Variants in EML5 observed in about 807,000 individuals in gnomAD.
The protein encoded by EML5 is EMAP like 5.
EML5 carries 120 observed loss-of-function variants against 250.0 expected under a neutral mutation model. The observed-to-expected ratio is 0.48, with a 90% confidence interval of 0.41 to 0.56. The LOEUF is 0.56. Among genes scored for constraint, EML5 ranks in the 20% least tolerant of loss-of-function variants. EML5 has a pLI of 0.00. For missense variants in EML5, 2,006 were observed against 2,437.6 expected (o/e 0.82, Z 3.73); for synonymous variants, 771 against 806.5 (o/e 0.96, Z 0.75).
intron 17 of EML5, among the ~76,000 whole-genome samples, chr14:88,693,763 C>CTTTTTTTT (rs71127002): frequency 3.2e-5 from 2 of 62,846 alleles, no homozygotes; most frequent in Non-Finnish European, 5.3e-5. Flanking sequence ...ATGTTAACAT[C>CTTTTTTTT]TTTTTTTTTT....
Position 88,658,313 on chromosome 14 carries a change from T to G in EML5, c.3751A>C (p.Ser1251Arg). 1 of 1,613,906 alleles carries G rather than the reference T, an allele frequency of 6.2e-7. No homozygotes were observed. The highest frequency in any genetic ancestry group is 1.3e-5 in the African/African-American group (1 of 75,048). The stretch of plus-strand genomic sequence containing the variant: ...GTACCGCCTAGGGTAACCAACATGC[T>G]GTCATCATAAGTCCAGCGAACATTT... ...VTNVRWTYDD[S>R]MLVTLGGTDM... The change falls in exon 26 of 44, where the codon AGC becomes CGC. Residue 1251 changes from serine to arginine, a missense_variant. This residue lies in a region of EML5 where 1,375 missense variants were observed against 1,590.3 expected (regional missense o/e 0.86). Coordinates refer to ENST00000554922, the MANE Select transcript of EML5 (RefSeq NM_183387.3).
At chr14:88,753,828 T>C (rs2094128635) in intron 2 of EML5, among the ~76,000 whole-genome samples, 2 of 152,138 alleles carry the variant, frequency 1.3e-5, no homozygotes, top group South Asian at 4.1e-4. Flanking sequence ...TAGACAACCT[T>C]TAAGGTAACT....
chr14:88,731,988 G>A (rs2093766445), intron 7 of EML5, among the ~76,000 whole-genome samples: 2 of 152,160 alleles, frequency 1.3e-5, no homozygotes, highest in Non-Finnish European at 2.9e-5. Context: ...TGAGTAGAGT[G>A]CAAAAATTTT....
chr14:88,683,310 T>G (rs948802521), intron 20 of EML5, among the ~76,000 whole-genome samples: 5 of 152,158 alleles, frequency 3.3e-5, no homozygotes, highest in African/African-American at 1.2e-4. Flanking sequence ...AACACTAATC[T>G]AGGGAAGTAT....
At position 88,750,662 on chromosome 14, in the gene EML5, C is replaced by G. The variant is rs763080654; in HGVS notation, c.357+3850G>C. Among the ~76,000 whole-genome samples the G allele has an allele frequency of 5.9e-4, 90 of 152,196 alleles. 2 individuals are homozygous for G. The highest frequency in any genetic ancestry group is 5.0e-4 in the Non-Finnish European group (34 of 67,994). ...TACAATTTCTGAAAAGAAAGTTTTACTATTTAAACTCCAAAATTGGTAGAA... is the reference window on the plus strand; with the variant it reads ...TACAATTTCTGAAAAGAAAGTTTTAGTATTTAAACTCCAAAATTGGTAGAA... On this transcript the variant is annotated intron_variant, in intron 2 of 43. Transcript: ENST00000554922.
chr14:88,624,834 T>G (rs1032613685), intron 36 of EML5, 136 bp downstream of exon 36: 1 of 927,530 alleles, frequency 1.1e-6, no homozygotes, highest in Admixed American at 3.1e-5. Context: ...ACATAAAAGG[T>G]AATAAAGGAG....
intron 2 of EML5, among the ~76,000 whole-genome samples, chr14:88,748,806 G>A (rs2094046351): frequency 6.6e-6 from 1 of 151,738 alleles, no homozygotes; most frequent in Non-Finnish European, 1.5e-5. Flanking sequence ...TACTCCAAAG[G>A]ATTAACAGCA....
At chr14:88,658,759 T>G (rs996048601) in intron 25 of EML5, among the ~76,000 whole-genome samples, 1 of 152,170 alleles carries the variant, frequency 6.6e-6, no homozygotes, top group African/African-American at 2.4e-5. Flanking sequence ...TATTTACTTA[T>G]AGTAGTGAAA....
At chr14:88,708,457 G>C (rs369822404) in intron 10 of EML5, among the ~76,000 whole-genome samples, 3 of 152,086 alleles carry the variant, frequency 2.0e-5, no homozygotes, top group East Asian at 1.9e-4. Flanking sequence ...CTGGTGCCTG[G>C]TATATAGCAA....
chr14:88,672,748 T>C (rs1026064944), intron 21 of EML5, among the ~76,000 whole-genome samples: 3 of 152,126 alleles, frequency 2.0e-5, no homozygotes, highest in African/African-American at 7.2e-5. Flanking sequence ...CATCAGAGAA[T>C]ACTATAAACA....
chr14:88,633,019 A>G (rs754206946), intron 33 of EML5, among the ~76,000 whole-genome samples: 14 of 152,098 alleles, frequency 9.2e-5, no homozygotes, highest in Admixed American at 2.0e-4. Flanking sequence ...TTTCTGTTCA[A>G]TGTAATAAAC....
In EML5 at chr14:88,696,970, A is replaced by C. The variant is rs779367460; in HGVS notation, c.2239-18T>G. 10 of 1,475,226 alleles carry C rather than the reference A, an allele frequency of 6.8e-6. No individual in the cohort carries two copies. In the South Asian group the frequency reaches 1.1e-4, roughly 16 times the overall value. 91.4% of individuals were successfully genotyped at this position (1,475,226 alleles called of 1,614,324 possible). A position where few individuals can be genotyped will look rare whatever the true frequency, so the allele number is the denominator to read the frequency against. ...CTACCAACCTAAAATAGAATTATAG[A>C]AGCTATTAAATACAATTAAATTATT... is the stretch of plus-strand genomic sequence containing the variant. On this transcript the variant is annotated intron_variant, in intron 14 of 43. Transcript: ENST00000554922.
chr14:88,709,241 A>G (rs1050742759), intron 10 of EML5, among the ~76,000 whole-genome samples: 1 of 152,102 alleles, frequency 6.6e-6, no homozygotes, highest in African/African-American at 2.4e-5. Context: ...ATAAGAAAAG[A>G]AAGAGAAATA....
intron 17 of EML5, among the ~76,000 whole-genome samples, chr14:88,693,048 A>G (rs2092995935): frequency 6.6e-6 from 1 of 152,202 alleles, no homozygotes; most frequent in African/African-American, 2.4e-5. Flanking sequence ...GTTACAAATG[A>G]CTAAAGTATC....
chr14:88,714,850 T>C, intron 9 of EML5, 89 bp downstream of exon 9: 1 of 1,279,622 alleles, frequency 7.8e-7, no homozygotes. Context: ...TGATTTCCTA[T>C]GATCAAATGT....
At chr14:88,652,988 G>C (rs2091702031) in intron 27 of EML5, among the ~76,000 whole-genome samples, 1 of 152,042 alleles carries the variant, frequency 6.6e-6, no homozygotes, top group East Asian at 1.9e-4. Context: ...GCAGTGGTTT[G>C]TACCTCTCTT....
At chr14:88,725,984 T>C (rs1026763829) in intron 8 of EML5, among the ~76,000 whole-genome samples, 1 of 152,196 alleles carries the variant, frequency 6.6e-6, no homozygotes, top group Admixed American at 6.5e-5. Flanking sequence ...TCGTAAGTAC[T>C]TATCCTGTGG....
intron 21 of EML5, among the ~76,000 whole-genome samples, chr14:88,674,415 C>G (rs2092547129): frequency 6.6e-6 from 1 of 152,164 alleles, no homozygotes; most frequent in South Asian, 2.1e-4. Context: ...AAGCAGGCAC[C>G]TTCTTCACAG....
At position 88,712,448 on chromosome 14, in the gene EML5, C is replaced by T. The variant is rs1566680213; in HGVS notation, c.1480G>A (p.Gly494Ser). The change falls in exon 10 of 44, where the codon GGT becomes AGT. Residue 494 changes from glycine (G) to serine (S), a missense_variant. Physicochemically the swap from Gly to Ser is moderately conservative, Grantham distance 56. Around this residue, in one of 7 missense-constraint regions of EML5, gnomAD observed 1,375 missense variants for 1,590.3 expected, o/e 0.86. Coordinates refer to ENST00000554922, the MANE Select transcript of EML5 (RefSeq NM_183387.3). ...KEVTSTEEIK[G>S]VHWASWTCVS... Reference sequence around the variant, plus strand: ...CATGTCCATGAAGCCCAATGAACACCTTTTATTTCTTCTGTACTTGTCACT... The same window carrying T: ...CATGTCCATGAAGCCCAATGAACACTTTTTATTTCTTCTGTACTTGTCACT... 7 of 1,613,476 alleles carry T rather than the reference C, an allele frequency of 4.3e-6. No individual in the cohort carries two copies. Among genetic ancestry groups the T allele is most frequent in the South Asian group, 2.2e-5 (2 of 91,060 alleles).
Sources: gnomAD v4.1 joint callset for allele counts (sites outside exome capture counted in the v4.1 genomes callset) on GRCh38, gnomAD v4.1.1 for gene constraint, gnomAD v4.1.1 regional missense constraint, MANE v1.5 for transcripts, NCBI Gene and HGNC (gene_info 2026-07-23, HGNC 2026-07-21) for gene names.